The following PDE4D variants were observed in gnomAD, a reference collection of about 807,000 sequenced individuals.
PDE4D encodes the protein phosphodiesterase 4D.
Under a neutral mutation model 87.4 loss-of-function variants are expected in PDE4D, and 24 were observed. The ratio of observed to expected loss-of-function variants is 0.27; its 90% confidence interval spans 0.20 to 0.39. PDE4D has a LOEUF of 0.39. PDE4D is among the 10% of genes least tolerant of loss of function. PDE4D has a pLI of 1.00. For synonymous variants in PDE4D, 384 were observed against 383.2 expected (o/e 1.00, Z -0.02); for missense variants, 714 against 1,041.0 (o/e 0.69, Z 4.32).
At chr5:59,030,827 TTCC>T (rs1317810601) in intron 6 of PDE4D, among the ~76,000 whole-genome samples, 1 of 152,174 alleles carries the variant, frequency 6.6e-6, no homozygotes, top group Admixed American at 6.5e-5. Context: ...AATGACTATT[TTCC>T]TTTTTTTTCT....
intron 1 of PDE4D, among the ~76,000 whole-genome samples, chr5:59,316,663 C>T (rs1477824217): frequency 6.6e-6 from 1 of 152,126 alleles, no homozygotes; most frequent in African/African-American, 2.4e-5. Flanking sequence ...TGTTAACTTA[C>T]CCACAGACAC....
At chr5:59,327,829 A>C (rs187132271) in intron 1 of PDE4D, among the ~76,000 whole-genome samples, 2 of 152,282 alleles carry the variant, frequency 1.3e-5, no homozygotes, top group Admixed American at 1.3e-4. Context: ...CAAACTGGTG[A>C]TATGGAGTTG....
intron 5 of PDE4D, among the ~76,000 whole-genome samples, chr5:59,119,888 A>C (rs1774206280): frequency 6.6e-6 from 1 of 152,234 alleles, no homozygotes; most frequent in Non-Finnish European, 1.5e-5. Flanking sequence ...TCTGCTGCAT[A>C]GGCCAGTGTG....
rs191101746 is a variant in PDE4D at position 59,178,264 on chromosome 5, G to T, written c.808+2331C>A. Among the ~76,000 whole-genome samples the T allele has an allele frequency of 1.1e-4, 16 of 152,228 alleles. No individual in the cohort carries two copies. In the East Asian group the frequency reaches 3.1e-3, roughly 29 times the overall value. On this transcript the variant is annotated intron_variant, in intron 5 of 14. Coordinates refer to ENST00000340635, the MANE Select transcript of PDE4D (RefSeq NM_001104631.2). ...TTTGCTATGCTTGGGCAAGAAAAAC[G>T]ACTTCCCAGTTTTAGTCAGTTCATT...
chr5:59,835,703 T>G (rs1319406068), intron 1 of PDE4D, among the ~76,000 whole-genome samples: 3 of 152,084 alleles, frequency 2.0e-5, no homozygotes, highest in Admixed American at 6.6e-5. Context: ...TCAGGGTAGG[T>G]GCCCACAGAG....
chr5:59,223,914 A>G (rs914710760), intron 1 of PDE4D, among the ~76,000 whole-genome samples: 5 of 152,080 alleles, frequency 3.3e-5, no homozygotes, highest in South Asian at 2.1e-4. Flanking sequence ...GTTAGCTTGT[A>G]TAATATATAT....
intron 1 of PDE4D, among the ~76,000 whole-genome samples, chr5:59,313,390 A>C (rs562810356): frequency 4.9e-4 from 75 of 152,232 alleles, no homozygotes; most frequent in African/African-American, 1.8e-3. Context: ...TACTTTCCAA[A>C]ATGGGTATCC....
chr5:60,474,327 C>T (rs1459960751), intron 1 of PDE4D, among the ~76,000 whole-genome samples: 1 of 151,374 alleles, frequency 6.6e-6, no homozygotes, highest in Non-Finnish European at 1.5e-5. Flanking sequence ...CAGGCTCCCT[C>T]AAGACTCTTT....
intron 1 of PDE4D, among the ~76,000 whole-genome samples, chr5:59,511,673 T>A (rs1263955128): frequency 1.3e-5 from 2 of 152,048 alleles, no homozygotes; most frequent in Non-Finnish European, 2.9e-5. Context: ...AGTAGCTATG[T>A]TGCTTTTTTC....
At chr5:60,233,707 G>A (rs1186715713) in intron 1 of PDE4D, among the ~76,000 whole-genome samples, 1 of 151,550 alleles carries the variant, frequency 6.6e-6, no homozygotes, top group Non-Finnish European at 1.5e-5. Context: ...CTTATGTTGT[G>A]CCACATACTG....
chr5:59,221,905 T>G (rs189550950), intron 1 of PDE4D, among the ~76,000 whole-genome samples: 34 of 152,358 alleles, frequency 2.2e-4, no homozygotes, highest in Admixed American at 1.2e-3. Flanking sequence ...TTAAAAGAGA[T>G]AACTTTTGCC....
In PDE4D at chr5:59,764,395, C is replaced by T. The variant is rs148445584; in HGVS notation, c.455+128773G>A. On this transcript the variant is annotated intron_variant, in intron 1 of 14. Transcript: ENST00000340635. ...ATACTATTCCCAGAAAACTGACTAA[C>T]GGGGAAACTGAAGCACACGTTAAGT... Among the ~76,000 whole-genome samples, 445 of 152,214 alleles carry T rather than the reference C, an allele frequency of 2.9e-3. 4 individuals carry two copies. The highest frequency in any genetic ancestry group is 0.01 in the African/African-American group (427 of 41,544).
In PDE4D at chr5:58,973,370, G is replaced by A. The variant is rs1163953794; in HGVS notation, c.*1294C>T. On this transcript the variant is annotated 3_prime_UTR_variant, in exon 15 of 15. Transcript: ENST00000340635. Reference sequence around the variant, plus strand: ...AAACATGGATAAGGTTCAGACACACGCTAAATTATAAAGCAGCACAAGGGG... The same window carrying A: ...AAACATGGATAAGGTTCAGACACACACTAAATTATAAAGCAGCACAAGGGG... The A allele has an allele frequency of 6.6e-6, 1 of 152,126 alleles. No homozygotes were observed. The highest frequency in any genetic ancestry group is 2.4e-5 in the African/African-American group (1 of 41,434). 9.4% of individuals were successfully genotyped at this position (152,126 alleles called of 1,614,324 possible).
intron 1 of PDE4D, among the ~76,000 whole-genome samples, chr5:59,738,732 CTA>C (rs1026522510): frequency 3.3e-5 from 5 of 151,452 alleles, no homozygotes; most frequent in East Asian, 3.9e-4. Flanking sequence ...TTTCTATACT[CTA>C]GAGTATATTT....
At position 60,084,736 on chromosome 5, in the gene PDE4D, G is replaced by A. The variant is rs973559553; in HGVS notation, c.43-96019C>T. Among the ~76,000 whole-genome samples, 7 of 152,210 alleles carry A rather than the reference G, an allele frequency of 4.6e-5. No homozygotes were observed. The South Asian group carries it at 6.2e-4, about 14-fold the overall frequency. On this transcript the variant is annotated intron_variant, in intron 2 of 16. Coordinates refer to the PDE4D transcript ENST00000502484. ...ATCCTGCACCCCTACATAGTGACCC[G>A]CCTTGGTTAGTCAGCAGTCATGTAT...
chr5:59,843,081 A>T lies in PDE4D; in HGVS notation c.455+50087T>A, dbSNP rs187281404. 1.5e-4 allele frequency among the ~76,000 whole-genome samples: 23 copies of T among 151,954 alleles called. No individual in the cohort carries two copies. The East Asian group carries it at 4.5e-3, about 29-fold the overall frequency. On this transcript the variant is annotated intron_variant, in intron 1 of 14. Coordinates refer to ENST00000340635, the MANE Select transcript of PDE4D (RefSeq NM_001104631.2). ...TAAAAAATATAAAATTTATTTATTT[A>T]TTTTTTTACCTCAGGAAACATATGG...
intron 1 of PDE4D, among the ~76,000 whole-genome samples, chr5:59,612,148 C>CT (rs1829083558): frequency 6.6e-6 from 1 of 152,050 alleles, no homozygotes; most frequent in Non-Finnish European, 1.5e-5. Flanking sequence ...ATTTTTAGTG[C>CT]TTTGAGAGCA....
chr5:60,474,134 A>G (rs1482799257), intron 1 of PDE4D, among the ~76,000 whole-genome samples: 8 of 97,672 alleles, frequency 8.2e-5, no homozygotes, highest in South Asian at 3.3e-4. Flanking sequence ...ATATATATAT[A>G]TATATATATA....
chr5:59,311,520 A>C (rs1305740508), intron 1 of PDE4D, among the ~76,000 whole-genome samples: 21 of 150,470 alleles, frequency 1.4e-4, no homozygotes, highest in African/African-American at 5.1e-4. Context: ...AAAAAAAAAA[A>C]AAAAAACAGA....
Sources: gnomAD v4.1 joint callset for allele counts (sites outside exome capture counted in the v4.1 genomes callset) on GRCh38, gnomAD v4.1.1 for gene constraint, MANE v1.5 for transcripts, NCBI Gene and HGNC (gene_info 2026-07-23, HGNC 2026-07-21) for gene names.